The following RSU1 variants were observed in gnomAD, a reference collection of about 807,000 sequenced individuals.
RSU1 encodes the protein Ras suppressor protein 1.
RSU1 carries 26 observed loss-of-function variants against 31.1 expected under a neutral mutation model. That is an observed-to-expected ratio of 0.84 (90% CI 0.61 to 1.16). The LOEUF (loss-of-function observed/expected upper bound fraction) is 1.16, where lower values mean the gene tolerates loss of function less well. Among genes scored for constraint, RSU1 ranks in the 50% most tolerant of loss-of-function variants. The pLI is 0.00. For missense variants in RSU1, 320 were observed against 339.1 expected, an observed-to-expected ratio of 0.94 and a Z score of 0.44; for synonymous variants, 164 against 136.3, an observed-to-expected ratio of 1.20 and a Z score of -1.41.
At chr10:16,667,221 T>C (rs556923086) in intron 8 of RSU1, among the ~76,000 whole-genome samples, 10 of 152,210 alleles carry the variant, frequency 6.6e-5, no homozygotes, top group Non-Finnish European at 1.0e-4. Flanking sequence ...TTTTCTAAGA[T>C]TCACTTTTCT....
intron 4 of RSU1, among the ~76,000 whole-genome samples, chr10:16,759,877 A>ATTT (rs140235171): frequency 6.6e-6 from 1 of 152,060 alleles, no homozygotes; most frequent in Non-Finnish European, 1.5e-5. Context: ...GCAAATTCTG[A>ATTT]TGGATCACAC....
At chr10:16,703,950 A>C (rs1470443339) in intron 7 of RSU1, among the ~76,000 whole-genome samples, 1 of 151,896 alleles carries the variant, frequency 6.6e-6, no homozygotes, top group Non-Finnish European at 1.5e-5. Flanking sequence ...CAGAGTGACT[A>C]CAACTTTCAG....
chr10:16,639,244 G>A (rs556943978), intron 8 of RSU1, among the ~76,000 whole-genome samples: 8 of 152,268 alleles, frequency 5.3e-5, no homozygotes, highest in South Asian at 4.1e-4. Context: ...AAACAATAAC[G>A]TATTAATCCA....
At position 16,739,572 on chromosome 10, in the gene RSU1, G is replaced by A. The variant is rs184720530; in HGVS notation, c.598+12967C>T. On this transcript the variant is annotated intron_variant, in intron 7 of 8. Transcript: ENST00000345264. The stretch of plus-strand genomic sequence containing the variant: ...TGCAAGCTCCGGCTCCCAGGTTCAC[G>A]CCATTCTCCTGCCTCAGCCTCCTGA... Among the ~76,000 whole-genome samples the A allele has an allele frequency of 5.8e-4, 82 of 142,196 alleles. 1 individual carries two copies. Among genetic ancestry groups the A allele is most frequent in the Admixed American group, 5.6e-3 (74 of 13,230 alleles). 93.3% of individuals were successfully genotyped at this position (142,196 alleles called of 152,430 possible). A position where few individuals can be genotyped will look rare whatever the true frequency, so the allele number is the denominator to read the frequency against.
intron 8 of RSU1, among the ~76,000 whole-genome samples, chr10:16,622,623 T>G (rs576274681): frequency 9.7e-4 from 148 of 152,320 alleles, no homozygotes; most frequent in African/African-American, 3.3e-3. Context: ...AAAAAAATGT[T>G]GAATGGCAGA....
At chr10:16,639,030 G>A (rs566381123) in intron 8 of RSU1, among the ~76,000 whole-genome samples, 4 of 152,078 alleles carry the variant, frequency 2.6e-5, no homozygotes, top group East Asian at 1.9e-4. Context: ...AAACAATCTC[G>A]GACAGTTATT....
chr10:16,716,918 C>G (rs1177581969), intron 7 of RSU1, among the ~76,000 whole-genome samples: 1 of 152,154 alleles, frequency 6.6e-6, no homozygotes, highest in Non-Finnish European at 1.5e-5. Flanking sequence ...TAAGAACCTT[C>G]CCTTTTTAAT....
At chr10:16,773,254 C>A (rs946913911) in intron 3 of RSU1, among the ~76,000 whole-genome samples, 2 of 151,890 alleles carry the variant, frequency 1.3e-5, no homozygotes, top group African/African-American at 4.8e-5. Context: ...CATCAAGAGG[C>A]CACAAGTGGA....
At chr10:16,627,366 G>T (rs1214403458) in intron 8 of RSU1, among the ~76,000 whole-genome samples, 1 of 152,120 alleles carries the variant, frequency 6.6e-6, no homozygotes, top group Non-Finnish European at 1.5e-5. Context: ...TTAGCTACAA[G>T]ATCTATTTCA....
chr10:16,690,968 T>A (rs1053148198), intron 8 of RSU1, among the ~76,000 whole-genome samples: 2 of 152,114 alleles, frequency 1.3e-5, no homozygotes, highest in Non-Finnish European at 2.9e-5. Context: ...TAAGGATTCT[T>A]TTTAATAAAG....
intron 3 of RSU1, among the ~76,000 whole-genome samples, chr10:16,770,368 G>C (rs1837399553): frequency 6.6e-6 from 1 of 152,002 alleles, no homozygotes; most frequent in Admixed American, 6.6e-5. Context: ...AGCTCCAGAA[G>C]GGCAGCACTA....
At chr10:16,787,685 C>T (rs1041995570) in intron 2 of RSU1, among the ~76,000 whole-genome samples, 25 of 152,334 alleles carry the variant, frequency 1.6e-4, no homozygotes, top group African/African-American at 3.8e-4. Flanking sequence ...TTCCCCTGCA[C>T]ACGCTCTCTT....
At chr10:16,782,131 T>C (rs1343121092) in intron 2 of RSU1, 47 bp from the exon 3 acceptor site, 3 of 1,481,798 alleles carry the variant, frequency 2.0e-6, no homozygotes, top group South Asian at 1.2e-5. Flanking sequence ...AATGTATCAC[T>C]GTATCCGGAT....
intron 8 of RSU1, among the ~76,000 whole-genome samples, chr10:16,687,139 T>C (rs1183316116): frequency 6.6e-6 from 1 of 152,152 alleles, no homozygotes; most frequent in African/African-American, 2.4e-5. Context: ...CTATTGCATA[T>C]CACAGTGAAA....
chr10:16,641,752 C>T (rs1289479576), intron 8 of RSU1, among the ~76,000 whole-genome samples: 2 of 152,168 alleles, frequency 1.3e-5, no homozygotes, highest in Non-Finnish European at 2.9e-5. Context: ...GATATTCATC[C>T]CAGGTTCACA....
intron 8 of RSU1, among the ~76,000 whole-genome samples, chr10:16,634,046 C>A (rs1052796264): frequency 6.6e-6 from 1 of 152,224 alleles, no homozygotes; most frequent in Admixed American, 6.5e-5. Context: ...CTCTATTTAT[C>A]AGACAGCTTC....
chr10:16,682,094 T>A (rs1835337198), intron 8 of RSU1, among the ~76,000 whole-genome samples: 1 of 151,956 alleles, frequency 6.6e-6, no homozygotes, highest in Non-Finnish European at 1.5e-5. Flanking sequence ...AATCCATAGA[T>A]CTCCTGGGAC....
intron 8 of RSU1, among the ~76,000 whole-genome samples, chr10:16,647,272 C>T (rs999450411): frequency 2.0e-5 from 3 of 152,086 alleles, no homozygotes; most frequent in Non-Finnish European, 2.9e-5. Flanking sequence ...GCGCCCAGCC[C>T]GTACTGGAAC....
intron 8 of RSU1, among the ~76,000 whole-genome samples, chr10:16,673,173 T>C (rs1835147623): frequency 6.6e-6 from 1 of 152,226 alleles, no homozygotes; most frequent in Non-Finnish European, 1.5e-5. Flanking sequence ...TCAGGGTCCA[T>C]AAGTCCCGCT....
Sources: allele counts gnomAD v4.1 joint callset (sites outside exome capture counted in the v4.1 genomes callset), GRCh38; gene constraint gnomAD v4.1.1; transcripts MANE v1.5; gene names NCBI Gene and HGNC (gene_info 2026-07-23, HGNC 2026-07-21).